The following ANKRD30BL variants were observed in gnomAD, a reference collection of about 807,000 sequenced individuals.
ANKRD30BL encodes ankyrin repeat domain 30B like, also known as putative ankyrin repeat domain-containing protein 30B-like.
Under a neutral mutation model 18.4 loss-of-function variants are expected in ANKRD30BL, and 20 were observed. That is an observed-to-expected ratio of 1.09 (90% CI 0.77 to 1.58). The LOEUF (loss-of-function observed/expected upper bound fraction) is 1.58, where lower values mean the gene tolerates loss of function less well. Among genes scored for constraint, ANKRD30BL ranks in the 40% most tolerant of loss-of-function variants. The probability of loss-of-function intolerance (pLI) is 0.00; values close to 1 mark genes in which losing one functional copy is unlikely to be tolerated. For missense variants in ANKRD30BL, 224 were observed against 268.6 expected (o/e 0.83, Z 1.16); for synonymous variants, 72 against 100.9 (o/e 0.71, Z 1.72).
chr2:132,195,609 C>T (rs202056908), intron 1 of ANKRD30BL, among the ~76,000 whole-genome samples: 17 of 150,546 alleles, frequency 1.1e-4, no homozygotes, highest in African/African-American at 3.4e-4. Context: ...TGGCAAACAC[C>T]GTGAAACCCC....
At chr2:132,236,254 A>G (rs1237392180) in intron 1 of ANKRD30BL, among the ~76,000 whole-genome samples, 2 of 151,206 alleles carry the variant, frequency 1.3e-5, no homozygotes, top group African/African-American at 4.9e-5. Flanking sequence ...AAACATAGGC[A>G]TTACCATTCA....
At chr2:132,193,984 T>G (rs1227454448) in intron 1 of ANKRD30BL, among the ~76,000 whole-genome samples, 3 of 151,644 alleles carry the variant, frequency 2.0e-5, no homozygotes, top group African/African-American at 7.3e-5. Context: ...ACACCCTGAT[T>G]AGCAGGAGGA....
At chr2:132,162,376 G>A (rs1347914224), upstream of ANKRD30BL, among the ~76,000 whole-genome samples, 1 of 152,226 alleles carries the variant, frequency 6.6e-6, no homozygotes, top group Non-Finnish European at 1.5e-5. Context: ...CTGAGCCCAT[G>A]GTAGAGGCTA....
chr2:132,159,805 G>A (rs534852472), intron 1 of ANKRD30BL, among the ~76,000 whole-genome samples: 2 of 152,128 alleles, frequency 1.3e-5, no homozygotes, highest in South Asian at 4.1e-4. Context: ...TCTTAGAAAG[G>A]TGTTGTCAAC....
intron 1 of ANKRD30BL, among the ~76,000 whole-genome samples, chr2:132,188,520 C>T: frequency 6.6e-6 from 1 of 152,142 alleles, no homozygotes. Context: ...ATCATCCTGG[C>T]TAACAGGGTG....
intron 1 of ANKRD30BL, among the ~76,000 whole-genome samples, chr2:132,211,372 C>A (rs1469875434): frequency 2.0e-5 from 3 of 151,620 alleles, no homozygotes; most frequent in Non-Finnish European, 4.4e-5. Flanking sequence ...CGCTTTGAGT[C>A]TTCTGGTGGA....
At chr2:132,181,339 T>G (rs1217030650) in intron 1 of ANKRD30BL, among the ~76,000 whole-genome samples, 1 of 151,632 alleles carries the variant, frequency 6.6e-6, no homozygotes, top group Non-Finnish European at 1.5e-5. Flanking sequence ...CTGGGCGTGG[T>G]GGTGGGTGCC....
upstream of ANKRD30BL, among the ~76,000 whole-genome samples, chr2:132,162,182 C>T (rs1688093380): frequency 6.6e-6 from 1 of 152,130 alleles, no homozygotes; most frequent in South Asian, 2.1e-4. Flanking sequence ...GGCCCTGGCG[C>T]TGGGCATCGT....
chr2:132,198,267 C>T (rs368769500), intron 1 of ANKRD30BL, among the ~76,000 whole-genome samples: 156 of 128,638 alleles, frequency 1.2e-3, no homozygotes, highest in Non-Finnish European at 1.6e-3. Context: ...TTCTTTCTTT[C>T]TTTTCTTTCT....
rs571241978 is a variant in ANKRD30BL, at chr2:132,228,799, GA to G, written n.441+28729del. The stretch of plus-strand genomic sequence containing the variant: ...CATAAAATCTAGATAAAAGCAATCT[GA>G]AAAACTTCTTTGTGGTGTGTGGATT... On this transcript the variant is annotated intron_variant and non_coding_transcript_variant, in intron 1 of 4. Transcript: ENST00000470729. Among the ~76,000 whole-genome samples, 3 of 146,832 alleles carry G rather than the reference GA, an allele frequency of 2.0e-5. No homozygotes were observed. The South Asian group carries it at 6.3e-4, about 31-fold the overall frequency.
intron 1 of ANKRD30BL, among the ~76,000 whole-genome samples, chr2:132,160,936 C>T (rs1277225739): frequency 6.7e-6 from 1 of 148,440 alleles, no homozygotes; most frequent in Non-Finnish European, 1.5e-5. Flanking sequence ...TTCTTAAATT[C>T]GAAAACATAA....
At chr2:132,249,755 T>C (rs558509690) in intron 1 of ANKRD30BL, among the ~76,000 whole-genome samples, 19 of 152,274 alleles carry the variant, frequency 1.2e-4, no homozygotes, top group Non-Finnish European at 2.4e-4. Context: ...CTCTGTGAGA[T>C]GAATGCACAC....
intron 1 of ANKRD30BL, among the ~76,000 whole-genome samples, chr2:132,205,758 G>A (rs1467658427): frequency 6.6e-6 from 1 of 151,948 alleles, no homozygotes; most frequent in African/African-American, 2.4e-5. Flanking sequence ...GTTTAGAAAG[G>A]TCAATTAGGA....
chr2:132,234,100 G>A (rs1680088815), intron 1 of ANKRD30BL, among the ~76,000 whole-genome samples: 2 of 152,054 alleles, frequency 1.3e-5, no homozygotes, highest in African/African-American at 2.4e-5. Flanking sequence ...GATATTTAAC[G>A]CTATGAAGGC....
intron 1 of ANKRD30BL, among the ~76,000 whole-genome samples, chr2:132,230,305 T>C (rs762702185): frequency 6.6e-6 from 1 of 151,968 alleles, no homozygotes; most frequent in Non-Finnish European, 1.5e-5. Context: ...GGGAATATCT[T>C]CACATAAAAA....
At chr2:132,211,076 C>T (rs566499513) in intron 1 of ANKRD30BL, among the ~76,000 whole-genome samples, 21 of 151,776 alleles carry the variant, frequency 1.4e-4, no homozygotes, top group African/African-American at 5.1e-4. Context: ...TAGACAGAGG[C>T]ATTTTGAGAA....
chr2:132,209,842 G>T (rs1364033195), intron 1 of ANKRD30BL, among the ~76,000 whole-genome samples: 1 of 151,590 alleles, frequency 6.6e-6, no homozygotes, highest in Non-Finnish European at 1.5e-5. Context: ...GCCTATTGTA[G>T]AAAAGGAAAT....
intron 1 of ANKRD30BL, among the ~76,000 whole-genome samples, chr2:132,236,449 CA>C (rs1003169223): frequency 6.6e-6 from 1 of 152,046 alleles, no homozygotes; most frequent in African/African-American, 2.4e-5. Flanking sequence ...ACAACCCCAT[CA>C]AAAAGTGGGC....
At chr2:132,234,923 T>C (rs955543759) in intron 1 of ANKRD30BL, among the ~76,000 whole-genome samples, 1 of 152,168 alleles carries the variant, frequency 6.6e-6, no homozygotes, top group African/African-American at 2.4e-5. Context: ...TGAACATTGA[T>C]GCAAAAATCC....
Sources: allele counts gnomAD v4.1 joint callset (sites outside exome capture counted in the v4.1 genomes callset), GRCh38; gene constraint gnomAD v4.1.1; transcripts MANE v1.5; gene names NCBI Gene and HGNC (gene_info 2026-07-23, HGNC 2026-07-21).